Variants in FAM168A observed in about 807,000 individuals in gnomAD.
FAM168A encodes the protein family with sequence similarity 168 member A.
Under a neutral mutation model 28.5 loss-of-function variants are expected in FAM168A, and 3 were observed. That is an observed-to-expected ratio of 0.11 (90% CI 0.05 to 0.27). The LOEUF (loss-of-function observed/expected upper bound fraction) is 0.27. FAM168A is among the 10% of genes least tolerant of loss of function. The pLI, the probability that FAM168A is intolerant of heterozygous loss-of-function variation, is 1.00. For missense variants in FAM168A, 222 were observed against 311.5 expected (o/e 0.71, Z 2.16); for synonymous variants, 122 against 124.2 (o/e 0.98, Z 0.12).
chr11:73,577,893 G>T (rs559472916), intron 1 of FAM168A, among the ~76,000 whole-genome samples: 1 of 152,212 alleles, frequency 6.6e-6, no homozygotes, highest in Non-Finnish European at 1.5e-5. Flanking sequence ...GCAACAGAAC[G>T]TCCCTTAGGG....
intron 1 of FAM168A, among the ~76,000 whole-genome samples, chr11:73,549,945 G>C (rs954860604): frequency 6.6e-6 from 1 of 152,214 alleles, no homozygotes; most frequent in Admixed American, 6.5e-5. Flanking sequence ...TAAATTACAG[G>C]TGTTTCTAGA....
At chr11:73,580,211 G>A (rs1325363414) in intron 1 of FAM168A, 7 of 491,112 alleles carry the variant, frequency 1.4e-5, no homozygotes, top group Middle Eastern at 3.5e-4. Flanking sequence ...TGCATCCCAC[G>A]CCCAGTGCCT....
At chr11:73,514,063 T>C (rs1398688231) in intron 1 of FAM168A, among the ~76,000 whole-genome samples, 1 of 152,054 alleles carries the variant, frequency 6.6e-6, no homozygotes, top group African/African-American at 2.4e-5. Flanking sequence ...TACATGCCTG[T>C]AGTCCCAGTT....
intron 1 of FAM168A, among the ~76,000 whole-genome samples, chr11:73,541,039 T>C (rs1372012191): frequency 6.6e-6 from 1 of 152,064 alleles, no homozygotes; most frequent in African/African-American, 2.4e-5. Context: ...ACTCCCTCTC[T>C]ACTAAAAATA....
chr11:73,522,697 C>T (rs974603879), intron 1 of FAM168A, among the ~76,000 whole-genome samples: 1 of 149,754 alleles, frequency 6.7e-6, no homozygotes, highest in African/African-American at 2.4e-5. Flanking sequence ...GTCCCAAATG[C>T]GGAGGTTGTA....
intron 2 of FAM168A, among the ~76,000 whole-genome samples, chr11:73,452,816 AT>A (rs1263288520): frequency 0.029 from 4,353 of 148,164 alleles, 212 homozygotes; most frequent in African/African-American, 0.1. Context: ...AAAAAAAATA[AT>A]AATAATAAGT....
At chr11:73,579,902 ATTTT>A (rs1458507245) in intron 1 of FAM168A, among the ~76,000 whole-genome samples, 1 of 152,180 alleles carries the variant, frequency 6.6e-6, no homozygotes, top group East Asian at 1.9e-4. Flanking sequence ...AAACTCAATA[ATTTT>A]TCAGATACCA....
intron 1 of FAM168A, among the ~76,000 whole-genome samples, chr11:73,502,338 A>C (rs1364884648): frequency 3.3e-5 from 5 of 152,198 alleles, no homozygotes; most frequent in Non-Finnish European, 5.9e-5. Flanking sequence ...ACAGAAATAC[A>C]AACTACCATC....
At chr11:73,426,358 AAG>A (rs1377275019) in intron 3 of FAM168A, among the ~76,000 whole-genome samples, 1 of 152,220 alleles carries the variant, frequency 6.6e-6, no homozygotes, top group Non-Finnish European at 1.5e-5. Context: ...AACCAATGAA[AAG>A]AGTGAAATGT....
intron 1 of FAM168A, among the ~76,000 whole-genome samples, chr11:73,553,192 C>T (rs1565295621): frequency 6.6e-6 from 1 of 152,142 alleles, no homozygotes; most frequent in Non-Finnish European, 1.5e-5. Flanking sequence ...ATTAGAATCC[C>T]TTTGGTCTCT....
rs1398224603 is a variant in FAM168A at position 73,403,164 on chromosome 11, G to A, written c.*3599C>T. On this transcript the variant is annotated 3_prime_UTR_variant, in exon 8 of 8. Transcript: ENST00000356467. ...GTCTCTGCTAAATATTCAGGAAAGA[G>A]GATATACATTTTAGGGTCATTGCCA... 6.6e-6 allele frequency: 1 copy of A among 152,190 alleles called. No homozygotes were observed. The highest frequency in any genetic ancestry group is 2.4e-5 in the African/African-American group (1 of 41,440). 9.4% of individuals were successfully genotyped at this position (152,190 alleles called of 1,614,324 possible).
intron 1 of FAM168A, chr11:73,580,229 G>A (rs774760986): frequency 4.1e-5 from 21 of 515,886 alleles, no homozygotes; most frequent in South Asian, 1.2e-4. Context: ...CCTACGTCCC[G>A]CTGCCGTCAC....
chr11:73,434,954 T>C (rs577162582), intron 2 of FAM168A, among the ~76,000 whole-genome samples: 1 of 152,306 alleles, frequency 6.6e-6, no homozygotes, highest in Admixed American at 6.5e-5. Context: ...GACCATCAAT[T>C]TGTACTTGTT....
chr11:73,506,381 T>C (rs1049409541), intron 1 of FAM168A, among the ~76,000 whole-genome samples: 20 of 151,894 alleles, frequency 1.3e-4, no homozygotes, highest in Admixed American at 1.1e-3. Flanking sequence ...ATGGTACTTA[T>C]GTGAAATAAG....
intron 4 of FAM168A, among the ~76,000 whole-genome samples, chr11:73,413,449 T>C (rs918545768): frequency 2.0e-5 from 3 of 152,216 alleles, no homozygotes; most frequent in Admixed American, 6.5e-5. Context: ...TTCTAGATTA[T>C]GGAGCTAATG....
intron 1 of FAM168A, among the ~76,000 whole-genome samples, chr11:73,555,848 T>C (rs1429307580): frequency 4.6e-5 from 7 of 152,176 alleles, no homozygotes; most frequent in Admixed American, 3.9e-4. Flanking sequence ...ACCATTCTTA[T>C]CAACAGAATG....
chr11:73,568,669 G>A (rs374579784), intron 1 of FAM168A, among the ~76,000 whole-genome samples: 20 of 152,238 alleles, frequency 1.3e-4, no homozygotes, highest in African/African-American at 4.3e-4. Context: ...GGCCAAGGCG[G>A]GCAGATCACA....
chr11:73,494,934 C>G lies in FAM168A; in HGVS notation c.-18-26442G>C, dbSNP rs138577348. Reference sequence around the variant, plus strand: ...ATGAGAATCACTTGAACCCAGGAGGCAGAGGCTGCAGCAGTGAGCCAAGAT... The same window carrying G: ...ATGAGAATCACTTGAACCCAGGAGGGAGAGGCTGCAGCAGTGAGCCAAGAT... On this transcript the variant is annotated intron_variant, in intron 1 of 7. Coordinates refer to ENST00000356467, the MANE Select transcript of FAM168A (RefSeq NM_015159.3). Among the ~76,000 whole-genome samples, 1,326 of 151,414 alleles carry G rather than the reference C, an allele frequency of 8.8e-3. 21 individuals carry two copies. Among genetic ancestry groups the G allele is most frequent in the African/African-American group, 0.03 (1,240 of 41,202 alleles).
chr11:73,470,789 C>A (rs776108338), intron 1 of FAM168A, among the ~76,000 whole-genome samples: 14 of 152,204 alleles, frequency 9.2e-5, no homozygotes, highest in Non-Finnish European at 1.8e-4. Context: ...ACAAAAAGGA[C>A]TAAGACAAGT....
Sources: allele counts gnomAD v4.1 joint callset (sites outside exome capture counted in the v4.1 genomes callset), GRCh38; gene constraint gnomAD v4.1.1; transcripts MANE v1.5; gene names NCBI Gene and HGNC (gene_info 2026-07-23, HGNC 2026-07-21).